The following MDGA2 variants were observed in gnomAD, a reference collection of about 807,000 sequenced individuals.
MDGA2 encodes MAM domain-containing glycosylphosphatidylinositol anchor protein 2.
Under a neutral mutation model 117.8 loss-of-function variants are expected in MDGA2, and 40 were observed. That is an observed-to-expected ratio of 0.34 (90% CI 0.26 to 0.44). MDGA2 has a LOEUF of 0.44. Among genes scored for constraint, MDGA2 ranks in the 20% least tolerant of loss-of-function variants. The probability of loss-of-function intolerance (pLI) is 1.00; values close to 1 mark genes in which losing one functional copy is unlikely to be tolerated. For synonymous variants in MDGA2, 452 were observed against 439.0 expected (o/e 1.03, Z -0.37); for missense variants, 1,123 against 1,250.6 (o/e 0.90, Z 1.54).
chr14:47,578,251 CA>C (rs1321082007), intron 1 of MDGA2, among the ~76,000 whole-genome samples: 1 of 151,684 alleles, frequency 6.6e-6, no homozygotes, highest in Non-Finnish European at 1.5e-5. Flanking sequence ...CAGAGCCAGT[CA>C]GGGGGTGGGG....
At chr14:47,138,770 C>A (rs1480619934) in intron 4 of MDGA2, among the ~76,000 whole-genome samples, 1 of 151,990 alleles carries the variant, frequency 6.6e-6, no homozygotes, top group Non-Finnish European at 1.5e-5. Flanking sequence ...TTATGAAGCT[C>A]TAATGACTAA....
At chr14:47,000,420 CACATATAAATATATAT>C (rs1293347205) in intron 8 of MDGA2, among the ~76,000 whole-genome samples, 38 of 71,968 alleles carry the variant, frequency 5.3e-4, no homozygotes, top group South Asian at 1.7e-3. Flanking sequence ...TATATATATA[CACATATAAATATATAT>C]ACATATAAAT....
intron 9 of MDGA2, among the ~76,000 whole-genome samples, chr14:46,942,964 A>G (rs1341553552): frequency 1.3e-5 from 2 of 152,110 alleles, no homozygotes; most frequent in Admixed American, 1.3e-4. Context: ...TTTTATCTCC[A>G]TATTCTATCA....
chr14:47,073,134 C>G (rs531969442), intron 6 of MDGA2, among the ~76,000 whole-genome samples: 1 of 152,274 alleles, frequency 6.6e-6, no homozygotes, highest in East Asian at 1.9e-4. Flanking sequence ...ACCTTCTTTA[C>G]CTACGAATTT....
intron 4 of MDGA2, among the ~76,000 whole-genome samples, chr14:47,141,945 C>T (rs1346262526): frequency 6.6e-6 from 1 of 152,096 alleles, no homozygotes; most frequent in African/African-American, 2.4e-5. Flanking sequence ...GATTATGATA[C>T]AATGTGTAGA....
At chr14:46,950,579 A>G (rs1371431557) in intron 9 of MDGA2, among the ~76,000 whole-genome samples, 2 of 152,014 alleles carry the variant, frequency 1.3e-5, no homozygotes, top group African/African-American at 4.8e-5. Context: ...CATAAATAAA[A>G]TTCTAATAAA....
intron 1 of MDGA2, among the ~76,000 whole-genome samples, chr14:47,579,556 A>G (rs1183725749): frequency 6.6e-6 from 1 of 152,096 alleles, no homozygotes; most frequent in Non-Finnish European, 1.5e-5. Flanking sequence ...GTGTTTCAAG[A>G]TACAGGAAAA....
chr14:47,642,401 G>C (rs541094576), intron 1 of MDGA2, among the ~76,000 whole-genome samples: 44 of 152,156 alleles, frequency 2.9e-4, no homozygotes, highest in Non-Finnish European at 4.7e-4. Flanking sequence ...CTCAAAACAT[G>C]ACTTTGCAGC....
intron 11 of MDGA2, among the ~76,000 whole-genome samples, chr14:46,879,240 A>T (rs1882351868): frequency 6.6e-6 from 1 of 152,052 alleles, no homozygotes; most frequent in Non-Finnish European, 1.5e-5. Context: ...TGAAGAAGAC[A>T]TGGTGAAAAA....
chr14:47,469,160 T>C (rs28692961), intron 1 of MDGA2, among the ~76,000 whole-genome samples: 1 of 152,128 alleles, frequency 6.6e-6, no homozygotes, highest in Non-Finnish European at 1.5e-5. Flanking sequence ...TCTTTTTTTT[T>C]CTTTTTTTAT....
chr14:47,654,943 A>C (rs1897716241), intron 1 of MDGA2, among the ~76,000 whole-genome samples: 1 of 152,050 alleles, frequency 6.6e-6, no homozygotes, highest in East Asian at 1.9e-4. Context: ...ATGTGGGAGG[A>C]CCCTCCCAGG....
intron 8 of MDGA2, among the ~76,000 whole-genome samples, chr14:46,969,009 T>C (rs1381394889): frequency 6.6e-6 from 1 of 152,066 alleles, no homozygotes; most frequent in Non-Finnish European, 1.5e-5. Flanking sequence ...TAGGAATAAA[T>C]TGTCCTTGGA....
intron 1 of MDGA2, among the ~76,000 whole-genome samples, chr14:47,615,697 C>A (rs373582508): frequency 6.6e-6 from 1 of 152,208 alleles, no homozygotes; most frequent in Non-Finnish European, 1.5e-5. Context: ...AAGCCTCAAT[C>A]TCATTTATCA....
chr14:47,415,651 C>T (rs1213984994), intron 1 of MDGA2, among the ~76,000 whole-genome samples: 1 of 152,014 alleles, frequency 6.6e-6, no homozygotes, highest in Non-Finnish European at 1.5e-5. Context: ...TTGTATAAAC[C>T]TTAACAGAAT....
At position 47,220,316 on chromosome 14, in the gene MDGA2, C is replaced by T. The variant is rs1175509905; in HGVS notation, c.421-2121G>A. 1.3e-5 allele frequency among the ~76,000 whole-genome samples: 2 copies of T among 152,158 alleles called. 1 individual carries two copies. ...TGTTCAGGCTTCCAGGAAAAAGGGA[C>T]AAACTTGTAATGTCACAGAGCCCAG... is the stretch of plus-strand genomic sequence containing the variant. On this transcript the variant is annotated intron_variant, in intron 2 of 16. Coordinates refer to ENST00000399232, the MANE Select transcript of MDGA2 (RefSeq NM_001113498.3).
At chr14:47,309,728 A>G (rs1889575085) in intron 1 of MDGA2, among the ~76,000 whole-genome samples, 1 of 152,102 alleles carries the variant, frequency 6.6e-6, no homozygotes. Context: ...CATTTAATTT[A>G]AGTTAAATTT....
At chr14:46,873,858 A>G (rs1221758943) in intron 13 of MDGA2, 187 bp downstream of exon 13, 7 of 571,086 alleles carry the variant, frequency 1.2e-5, no homozygotes, top group Admixed American at 4.0e-5. Flanking sequence ...TACTATATGT[A>G]TCAGTGAAGT....
chr14:47,534,715 T>C lies in MDGA2; in HGVS notation c.280+139802A>G, dbSNP rs1160313390. On this transcript the variant is annotated intron_variant, in intron 1 of 16. Coordinates refer to ENST00000399232, the MANE Select transcript of MDGA2 (RefSeq NM_001113498.3). The stretch of plus-strand genomic sequence containing the variant: ...CCCAGAGCCTAACCATATCAGTAGC[T>C]TCAAAAGCACAGGTTGTCCTGGCAC... Among the ~76,000 whole-genome samples the C allele has an allele frequency of 2.0e-5, 3 of 152,178 alleles. No homozygotes were observed. In the East Asian group the frequency reaches 5.8e-4, roughly 29 times the overall value.
chr14:46,956,932 CTT>C (rs1056739447), intron 9 of MDGA2, among the ~76,000 whole-genome samples: 2 of 152,146 alleles, frequency 1.3e-5, no homozygotes, highest in African/African-American at 4.8e-5. Flanking sequence ...CTCTCTCTCT[CTT>C]TGCTGCCACC....
Sources: allele counts gnomAD v4.1 joint callset (sites outside exome capture counted in the v4.1 genomes callset), GRCh38; gene constraint gnomAD v4.1.1; transcripts MANE v1.5; gene names NCBI Gene and HGNC (gene_info 2026-07-23, HGNC 2026-07-21).